NAV2: variants seen among roughly 807,000 people sequenced by gnomAD.
NAV2 encodes neuron navigator 2, also known as helicase, APC down-regulated 1.
In NAV2, 54 loss-of-function variants were observed where a neutral mutation model predicts 223.2. That is an observed-to-expected ratio of 0.24 (90% CI 0.19 to 0.30). The LOEUF (loss-of-function observed/expected upper bound fraction) is 0.30. NAV2 is among the 10% of genes least tolerant of loss of function. NAV2 has a pLI of 1.00. For missense variants in NAV2, 2,806 were observed against 3,147.5 expected (o/e 0.89, Z 2.60); for synonymous variants, 1,279 against 1,239.3 (o/e 1.03, Z -0.67).
chr11:20,076,087 G>A (rs181303919), intron 22 of NAV2, among the ~76,000 whole-genome samples: 66 of 152,144 alleles, frequency 4.3e-4, no homozygotes, highest in Non-Finnish European at 8.4e-4. Flanking sequence ...CATTTTCACC[G>A]GCCTTGTTTC....
At chr11:19,769,606 C>G (rs888797958) in intron 1 of NAV2, among the ~76,000 whole-genome samples, 2 of 152,132 alleles carry the variant, frequency 1.3e-5, no homozygotes, top group Admixed American at 6.5e-5. Flanking sequence ...AAGGAGGAAG[C>G]CCTGGAGTAG....
At chr11:19,519,117 C>T (rs2043559458) in intron 1 of NAV2, among the ~76,000 whole-genome samples, 1 of 152,198 alleles carries the variant, frequency 6.6e-6, no homozygotes, top group Admixed American at 6.5e-5. Context: ...TTTGTTATAG[C>T]AGCCTGAAGT....
chr11:19,380,446 T>A (rs574963557), intron 1 of NAV2: 2 of 152,366 alleles, frequency 1.3e-5, no homozygotes, highest in Admixed American at 1.3e-4. Context: ...AAAGGGCTGC[T>A]CAGGAAGTGG....
At chr11:19,975,989 A>G (rs2049700632) in intron 10 of NAV2, among the ~76,000 whole-genome samples, 1 of 152,174 alleles carries the variant, frequency 6.6e-6, no homozygotes, top group African/African-American at 2.4e-5. Context: ...ATTTGGTTGT[A>G]GTTGTTTTTA....
chr11:19,639,832 G>C (rs1410214751), intron 1 of NAV2, among the ~76,000 whole-genome samples: 1 of 152,234 alleles, frequency 6.6e-6, no homozygotes, highest in African/African-American at 2.4e-5. Flanking sequence ...GGGAGATGGA[G>C]TGGGAAGTGG....
intron 1 of NAV2, among the ~76,000 whole-genome samples, chr11:19,408,375 C>A (rs1451049878): frequency 6.6e-6 from 1 of 152,246 alleles, no homozygotes; most frequent in South Asian, 2.1e-4. Context: ...ATATTCTGAA[C>A]CTTGGTTACA....
chr11:19,582,350 G>A (rs1469667411), intron 1 of NAV2, among the ~76,000 whole-genome samples: 1 of 152,114 alleles, frequency 6.6e-6, no homozygotes, highest in Non-Finnish European at 1.5e-5. Context: ...CTTTTGCTGT[G>A]CAGAAGCTCT....
In NAV2 at chr11:19,632,833, T is replaced by C. The variant is rs114371994; in HGVS notation, c.76-199651T>C. On this transcript the variant is annotated intron_variant, in intron 1 of 37. Transcript: ENST00000360655. ...TAGGAGAGCAAAAATCCACACAGCA[T>C]TTAGCAAGCAGCTTTTATGTGCAAG... 1.9e-3 allele frequency among the ~76,000 whole-genome samples: 282 copies of C among 152,364 alleles called. 1 individual carries two copies. The highest frequency in any genetic ancestry group is 6.6e-3 in the African/African-American group (273 of 41,596).
chr11:20,053,983 A>G (rs2058197712), intron 17 of NAV2, 97 bp from the exon 18 acceptor site: 1 of 1,232,596 alleles, frequency 8.1e-7, no homozygotes, highest in Non-Finnish European at 1.1e-6. Context: ...ATCTTCGGAT[A>G]TATGTTTTCT....
At chr11:19,374,971 G>A (rs1374605444) in intron 1 of NAV2, among the ~76,000 whole-genome samples, 1 of 152,080 alleles carries the variant, frequency 6.6e-6, no homozygotes, top group Non-Finnish European at 1.5e-5. Flanking sequence ...CCTTCTGATC[G>A]GATACTGCCT....
chr11:19,517,350 C>A (rs1212617439), intron 1 of NAV2, among the ~76,000 whole-genome samples: 4 of 152,196 alleles, frequency 2.6e-5, no homozygotes, highest in African/African-American at 7.2e-5. Flanking sequence ...TCTCACACAT[C>A]CTTGAGTGGA....
intron 1 of NAV2, among the ~76,000 whole-genome samples, chr11:19,405,264 T>C (rs1275409181): frequency 6.6e-6 from 1 of 152,128 alleles, no homozygotes; most frequent in Non-Finnish European, 1.5e-5. Flanking sequence ...AACAAGATCA[T>C]TATTTCCCCC....
intron 1 of NAV2, among the ~76,000 whole-genome samples, chr11:19,573,558 C>T (rs2045483996): frequency 6.6e-6 from 1 of 152,136 alleles, no homozygotes. Flanking sequence ...TGAGCTGCTA[C>T]CCTGTGCCAG....
chr11:19,876,880 G>A (rs529450612), intron 4 of NAV2, among the ~76,000 whole-genome samples: 3 of 149,352 alleles, frequency 2.0e-5, no homozygotes, highest in East Asian at 3.9e-4. Context: ...CTACCAGCTA[G>A]GATTTTACTT....
intron 11 of NAV2, among the ~76,000 whole-genome samples, chr11:19,991,200 C>T (rs1396006977): frequency 6.6e-6 from 1 of 152,182 alleles, no homozygotes; most frequent in Non-Finnish European, 1.5e-5. Context: ...ATGATCTTGG[C>T]TGACTGCAAC....
intron 1 of NAV2, among the ~76,000 whole-genome samples, chr11:19,602,799 G>T (rs2046382260): frequency 6.6e-6 from 1 of 150,472 alleles, no homozygotes; most frequent in African/African-American, 2.5e-5. Context: ...TTTGTTATTG[G>T]ATTTAGGGGC....
intron 1 of NAV2, among the ~76,000 whole-genome samples, chr11:19,358,332 G>A (rs2702705): frequency 0.25 from 37,611 of 152,068 alleles, 4,998 homozygotes; most frequent in East Asian, 0.44. Flanking sequence ...GCAAATATGG[G>A]ACTGGGACAG....
chr11:19,535,072 C>G (rs750213201), intron 1 of NAV2, among the ~76,000 whole-genome samples: 2 of 151,738 alleles, frequency 1.3e-5, no homozygotes, highest in Non-Finnish European at 2.9e-5. Context: ...AACAAGGAGC[C>G]AGTAGAGATT....
At chr11:19,601,113 G>A (rs1374647689) in intron 1 of NAV2, among the ~76,000 whole-genome samples, 1 of 152,210 alleles carries the variant, frequency 6.6e-6, no homozygotes, top group African/African-American at 2.4e-5. Context: ...TGGGCACAGT[G>A]TCTGGATGGG....
Sources: gnomAD v4.1 joint callset for allele counts (sites outside exome capture counted in the v4.1 genomes callset) on GRCh38, gnomAD v4.1.1 for gene constraint, MANE v1.5 for transcripts, NCBI Gene and HGNC (gene_info 2026-07-23, HGNC 2026-07-21) for gene names.